RAPH1: variants seen among roughly 807,000 people sequenced by gnomAD.
RAPH1 encodes the protein Ras association (RalGDS/AF-6) and pleckstrin homology domains 1.
A neutral mutation model predicts 88.1 loss-of-function variants in RAPH1; 18 were observed. The observed-to-expected ratio is 0.20, with a 90% CI of 0.14 to 0.30. The LOEUF is 0.30. RAPH1 is among the 10% of genes least tolerant of loss of function. The probability of loss-of-function intolerance (pLI) is 1.00; values close to 1 mark genes in which losing one functional copy is unlikely to be tolerated. For synonymous variants in RAPH1, 587 were observed against 559.0 expected (o/e 1.05, Z -0.71); for missense variants, 1,448 against 1,543.2 (o/e 0.94, Z 1.03).
intron 1 of RAPH1, among the ~76,000 whole-genome samples, chr2:203,499,114 C>G (rs1304909141): frequency 6.6e-6 from 1 of 152,186 alleles, no homozygotes; most frequent in African/African-American, 2.4e-5. Context: ...GTATCTTCAT[C>G]ATTAAATGAC....
intron 1 of RAPH1, among the ~76,000 whole-genome samples, chr2:203,505,313 C>A (rs1489918920): frequency 6.6e-6 from 1 of 152,164 alleles, no homozygotes; most frequent in African/African-American, 2.4e-5. Context: ...GCACTTCTTA[C>A]ATGGCGGTGG....
At chr2:203,474,848 T>A (rs961963495) in intron 4 of RAPH1, among the ~76,000 whole-genome samples, 1 of 152,258 alleles carries the variant, frequency 6.6e-6, no homozygotes, top group African/African-American at 2.4e-5. Flanking sequence ...TGATGGCTCA[T>A]GCCTGTAATC....
chr2:203,484,075 T>C (rs1235505772), intron 4 of RAPH1, among the ~76,000 whole-genome samples: 2 of 152,170 alleles, frequency 1.3e-5, no homozygotes, highest in Non-Finnish European at 2.9e-5. Flanking sequence ...TCATATCCTA[T>C]TGGTTCTATC....
rs1017974470 is a variant in RAPH1, at chr2:203,522,676, C to T, written c.-1+12435G>A. On this transcript the variant is annotated intron_variant, in intron 1 of 13. Coordinates refer to ENST00000319170, the MANE Select transcript of RAPH1 (RefSeq NM_213589.3). ...CAGCAGTTTGGAAGGCTGAGGCAGG[C>T]GGATCACCTGAGGTCAGGAGTTCGA... Among the ~76,000 whole-genome samples, 19 of 151,936 alleles carry T rather than the reference C, an allele frequency of 1.3e-4. No homozygotes were observed. In the East Asian group the frequency reaches 1.7e-3, roughly 14 times the overall value.
chr2:203,478,431 T>TC (rs552394680), intron 4 of RAPH1, among the ~76,000 whole-genome samples: 151 of 152,208 alleles, frequency 9.9e-4, no homozygotes, highest in African/African-American at 3.4e-3. Flanking sequence ...GTCTATATCC[T>TC]CCCCTCCATC....
At position 203,475,749 on chromosome 2, in the gene RAPH1, T is replaced by TA. The variant is rs60658092; in HGVS notation, c.733-13825dup. Among the ~76,000 whole-genome samples the TA allele has an allele frequency of 7.1e-3, 731 of 103,556 alleles. 1 individual carries two copies. The highest frequency in any genetic ancestry group is 0.012 in the Middle Eastern group (2 of 168). The allele number at this position is 103,556 out of a possible 152,430, so 67.9% of individuals were successfully genotyped here. Reference sequence around the variant, plus strand: ...TGTTCTTTTTCCTACACTTCTTGTATAAAAAAAAAAAAAAAAAGGCTTCTG... The same window carrying TA: ...TGTTCTTTTTCCTACACTTCTTGTATAAAAAAAAAAAAAAAAAAGGCTTCTG... On this transcript the variant is annotated intron_variant, in intron 4 of 13. Coordinates refer to ENST00000319170, the MANE Select transcript of RAPH1 (RefSeq NM_213589.3).
chr2:203,528,672 A>G (rs1559508010), intron 1 of RAPH1, among the ~76,000 whole-genome samples: 1 of 152,154 alleles, frequency 6.6e-6, no homozygotes, highest in Non-Finnish European at 1.5e-5. Flanking sequence ...TTTTTCAAAT[A>G]TAACGTATCA....
intron 4 of RAPH1, among the ~76,000 whole-genome samples, chr2:203,473,147 C>G (rs1302834634): frequency 6.6e-6 from 1 of 152,126 alleles, no homozygotes; most frequent in African/African-American, 2.4e-5. Context: ...CTCCACTGGG[C>G]ATGGTGGCTT....
chr2:203,506,664 G>C (rs1167065045), intron 1 of RAPH1, among the ~76,000 whole-genome samples: 1 of 148,886 alleles, frequency 6.7e-6, no homozygotes, highest in East Asian at 2.0e-4. Flanking sequence ...TCTAATCTGT[G>C]AAAAGTTAAA....
At chr2:203,454,648 A>G (rs1037127045) in intron 9 of RAPH1, 108 bp from the exon 10 acceptor site, 2 of 699,470 alleles carry the variant, frequency 2.9e-6, no homozygotes, top group Non-Finnish European at 4.7e-6. Context: ...TGCTAATACT[A>G]AATAGAAATT....
At chr2:203,486,709 A>C (rs542053637) in intron 4 of RAPH1, among the ~76,000 whole-genome samples, 2 of 152,344 alleles carry the variant, frequency 1.3e-5, no homozygotes, top group South Asian at 4.1e-4. Flanking sequence ...CTGTATTTGC[A>C]CTTAAAGACA....
intron 10 of RAPH1, among the ~76,000 whole-genome samples, chr2:203,449,457 A>G (rs1457310781): frequency 6.6e-6 from 1 of 152,202 alleles, no homozygotes; most frequent in Non-Finnish European, 1.5e-5. Flanking sequence ...CTTCACATTT[A>G]GTTTTCACAA....
intron 1 of RAPH1, among the ~76,000 whole-genome samples, chr2:203,508,325 G>GT (rs1249198568): frequency 6.6e-6 from 1 of 151,870 alleles, no homozygotes; most frequent in East Asian, 1.9e-4. Context: ...TAGAGACAGG[G>GT]TTTCTCCATG....
rs145730153 is a variant in RAPH1 at position 203,450,513 on chromosome 2, G to A, written c.1414-1677C>T. 5.6e-3 allele frequency among the ~76,000 whole-genome samples: 859 copies of A among 152,314 alleles called. 11 individuals are homozygous for A. Among genetic ancestry groups the A allele is most frequent in the African/African-American group, 0.019 (806 of 41,570 alleles). On this transcript the variant is annotated intron_variant, in intron 10 of 13. Coordinates refer to ENST00000319170, the MANE Select transcript of RAPH1 (RefSeq NM_213589.3). ...CAAAGGAGGGCAGACAGAGAAGTATGTATTCTTCTATAAAAGGAGGAAGGG... is the reference window on the plus strand; with the variant it reads ...CAAAGGAGGGCAGACAGAGAAGTATATATTCTTCTATAAAAGGAGGAAGGG...
intron 1 of RAPH1, among the ~76,000 whole-genome samples, chr2:203,508,268 G>C (rs959787577): frequency 6.6e-6 from 1 of 151,352 alleles, no homozygotes; most frequent in African/African-American, 2.4e-5. Context: ...ATATACACTG[G>C]GGTTACAGGC....
chr2:203,492,723 A>T (rs1436664713), intron 2 of RAPH1, among the ~76,000 whole-genome samples: 1 of 152,196 alleles, frequency 6.6e-6, no homozygotes, highest in Non-Finnish European at 1.5e-5. Context: ...GCACTGAACA[A>T]GCTTCAAATT....
At chr2:203,454,822 T>A (rs2098517903) in intron 9 of RAPH1, among the ~76,000 whole-genome samples, 1 of 152,176 alleles carries the variant, frequency 6.6e-6, no homozygotes, top group Admixed American at 6.5e-5. Flanking sequence ...TATAGTCTAG[T>A]ACATTAAAAA....
chr2:203,524,975 T>C (rs556105566), intron 1 of RAPH1, among the ~76,000 whole-genome samples: 4 of 152,350 alleles, frequency 2.6e-5, no homozygotes, highest in Admixed American at 2.0e-4. Context: ...TGATTATGTA[T>C]TGTTCTTCAA....
intron 4 of RAPH1, among the ~76,000 whole-genome samples, chr2:203,472,756 A>C (rs2098534279): frequency 6.6e-6 from 1 of 152,204 alleles, no homozygotes; most frequent in South Asian, 2.1e-4. Context: ...GATTTGGTAA[A>C]TGTAATTCCA....
Sources: allele counts gnomAD v4.1 joint callset (sites outside exome capture counted in the v4.1 genomes callset), GRCh38; gene constraint gnomAD v4.1.1; transcripts MANE v1.5; gene names NCBI Gene and HGNC (gene_info 2026-07-23, HGNC 2026-07-21).